Variants in PDE4D observed in about 807,000 individuals in gnomAD.
PDE4D encodes the protein phosphodiesterase 4D.
Under a neutral mutation model 87.4 loss-of-function variants are expected in PDE4D, and 24 were observed. That is an observed-to-expected ratio of 0.27 (90% CI 0.20 to 0.39). The LOEUF (loss-of-function observed/expected upper bound fraction) is 0.39, where lower values mean the gene tolerates loss of function less well. Ranked by LOEUF, PDE4D falls within the 10% of genes least tolerant of loss-of-function variation. The pLI is 1.00. For synonymous variants in PDE4D, 384 were observed against 383.2 expected, an observed-to-expected ratio of 1.00 and a Z score of -0.02; for missense variants, 714 against 1,041.0, an observed-to-expected ratio of 0.69 and a Z score of 4.32.
intron 1 of PDE4D, among the ~76,000 whole-genome samples, chr5:59,429,753 T>A (rs1464368817): frequency 6.6e-6 from 1 of 152,190 alleles, no homozygotes; most frequent in East Asian, 1.9e-4. Flanking sequence ...ATTCTGATAC[T>A]ACATAAAAAG....
At chr5:59,798,184 G>A (rs1766705778) in intron 1 of PDE4D, among the ~76,000 whole-genome samples, 1 of 151,930 alleles carries the variant, frequency 6.6e-6, no homozygotes, top group South Asian at 2.1e-4. Context: ...AGTGAGCTGT[G>A]ATTGCACCAC....
chr5:59,477,917 A>G (rs1343473607), intron 1 of PDE4D, among the ~76,000 whole-genome samples: 2 of 152,090 alleles, frequency 1.3e-5, no homozygotes, highest in African/African-American at 2.4e-5. Flanking sequence ...TGGAGGCCAT[A>G]ATCCTAAGCA....
At chr5:59,569,085 T>G (rs1434183802) in intron 1 of PDE4D, among the ~76,000 whole-genome samples, 1 of 152,136 alleles carries the variant, frequency 6.6e-6, no homozygotes, top group African/African-American at 2.4e-5. Context: ...GCCTAGAAAT[T>G]TAAAGTAAAC....
In PDE4D at chr5:60,124,467, A is replaced by C. The variant is rs184233794; in HGVS notation, c.42+61090T>G. On this transcript the variant is annotated intron_variant, in intron 2 of 16. Transcript: ENST00000502484. ...TTGATAGCCTATTTCTTTGAAAAAAATAATAGCAAATCAGAAAACAATTTT... is the reference window on the plus strand; with the variant it reads ...TTGATAGCCTATTTCTTTGAAAAAACTAATAGCAAATCAGAAAACAATTTT... Among the ~76,000 whole-genome samples, 405 of 151,766 alleles carry C rather than the reference A, an allele frequency of 2.7e-3. 3 individuals carry two copies. The highest frequency in any genetic ancestry group is 9.4e-3 in the African/African-American group (390 of 41,414).
At chr5:60,173,251 C>CA (rs5868222) in intron 2 of PDE4D, among the ~76,000 whole-genome samples, 152,093 of 152,118 alleles carry the variant, frequency 1, 76,034 homozygotes, top group Middle Eastern at 1. Context: ...ACTAGTTGTG[C>CA]ATCTTGGCTA....
intron 1 of PDE4D, among the ~76,000 whole-genome samples, chr5:59,509,587 A>C (rs1243962474): frequency 6.6e-6 from 1 of 151,550 alleles, no homozygotes; most frequent in Non-Finnish European, 1.5e-5. Context: ...GAGGACAGTA[A>C]AAGGGTAAAG....
In PDE4D at chr5:60,245,212, C is replaced by T. The variant is rs542357113; in HGVS notation, c.-89-59525G>A. Among the ~76,000 whole-genome samples the T allele has an allele frequency of 5.3e-5, 8 of 151,790 alleles. No individual in the cohort carries two copies. The East Asian group carries it at 1.6e-3, about 29-fold the overall frequency. On this transcript the variant is annotated intron_variant, in intron 1 of 16. Transcript: ENST00000502484. ...AGGTGCTCAACATCATTGAGAAATG[C>T]ATATCAAAACTACAATGAGATATCA... is the stretch of plus-strand genomic sequence containing the variant.
At chr5:60,023,504 C>T (rs1162013443) in intron 2 of PDE4D, among the ~76,000 whole-genome samples, 1 of 152,142 alleles carries the variant, frequency 6.6e-6, no homozygotes. Context: ...CATTTCCCCA[C>T]TAACAATGTC....
At chr5:59,949,266 C>A (rs1758029871) in intron 3 of PDE4D, among the ~76,000 whole-genome samples, 1 of 151,934 alleles carries the variant, frequency 6.6e-6, no homozygotes, top group Non-Finnish European at 1.5e-5. Flanking sequence ...CCCGTCGCTA[C>A]TAAAAATACA....
intron 1 of PDE4D, among the ~76,000 whole-genome samples, chr5:59,668,488 T>C (rs1561439484): frequency 6.6e-6 from 1 of 152,040 alleles, no homozygotes; most frequent in African/African-American, 2.4e-5. Context: ...GGCTGGAGGA[T>C]TGGTTGAGTT....
At chr5:59,360,818 C>T (rs1413135014) in intron 1 of PDE4D, among the ~76,000 whole-genome samples, 2 of 151,988 alleles carry the variant, frequency 1.3e-5, no homozygotes, top group Non-Finnish European at 2.9e-5. Context: ...TGAAGGTACC[C>T]CATGGTCTTA....
chr5:59,092,018 C>G (rs1304058916), intron 5 of PDE4D, among the ~76,000 whole-genome samples: 1 of 152,068 alleles, frequency 6.6e-6, no homozygotes, highest in Non-Finnish European at 1.5e-5. Context: ...AGATTTTTCT[C>G]CCCAAAACTG....
At chr5:59,706,144 G>A (rs192197211) in intron 1 of PDE4D, among the ~76,000 whole-genome samples, 58 of 152,266 alleles carry the variant, frequency 3.8e-4, no homozygotes, top group Admixed American at 3.4e-3. Flanking sequence ...AGACACTAGT[G>A]CCCTGGGGAT....
rs999433266 is a variant in PDE4D, at chr5:60,511,518, T to TAATAAG, written n.70+10532_70+10533insCTTATT. Among the ~76,000 whole-genome samples the TAATAAG allele has an allele frequency of 4.5e-5, 3 of 66,826 alleles. No individual in the cohort carries two copies. The African/African-American group carries it at 8.0e-4, about 18-fold the overall frequency. 43.8% of individuals were successfully genotyped at this position (66,826 alleles called of 152,430 possible). ...TAGGCAATAACATACTATAGAAATT[T>TAATAAG]AATAATAATAATAATAATAATAATA... On this transcript the variant is annotated intron_variant and non_coding_transcript_variant, in intron 1 of 2. Transcript: ENST00000506510.
chr5:60,440,998 T>G (rs1745161161), intron 1 of PDE4D, among the ~76,000 whole-genome samples: 1 of 152,108 alleles, frequency 6.6e-6, no homozygotes, highest in South Asian at 2.1e-4. Context: ...ATTGAAGATC[T>G]TTGAGCAAGA....
At chr5:59,662,710 T>A (rs1745449846) in intron 1 of PDE4D, among the ~76,000 whole-genome samples, 1 of 152,226 alleles carries the variant, frequency 6.6e-6, no homozygotes, top group Admixed American at 6.5e-5. Context: ...ATTTGAATAA[T>A]AACATATCCG....
At chr5:59,884,302 A>G (rs1749863589) in intron 1 of PDE4D, among the ~76,000 whole-genome samples, 1 of 150,746 alleles carries the variant, frequency 6.6e-6, no homozygotes, top group Non-Finnish European at 1.5e-5. Context: ...ATATATATAT[A>G]CACACACATA....
intron 2 of PDE4D, among the ~76,000 whole-genome samples, chr5:60,167,382 C>G (rs1413293754): frequency 1.3e-5 from 2 of 150,980 alleles, no homozygotes; most frequent in East Asian, 3.9e-4. Flanking sequence ...CATTCTCCTG[C>G]CTCAGCCTCC....
At chr5:59,621,389 T>C (rs1830337327) in intron 1 of PDE4D, among the ~76,000 whole-genome samples, 1 of 152,198 alleles carries the variant, frequency 6.6e-6, no homozygotes, top group Non-Finnish European at 1.5e-5. Context: ...GCCAGCTGAG[T>C]TCTTCTTGTC....
Sources: allele counts gnomAD v4.1 joint callset (sites outside exome capture counted in the v4.1 genomes callset), GRCh38; gene constraint gnomAD v4.1.1; transcripts MANE v1.5; gene names NCBI Gene and HGNC (gene_info 2026-07-23, HGNC 2026-07-21).